The following COL28A1 variants were observed in gnomAD, a reference collection of about 807,000 sequenced individuals.
COL28A1 encodes collagen alpha-1(XXVIII) chain.
In COL28A1, 161 loss-of-function variants were observed where a neutral mutation model predicts 150.2. The observed-to-expected ratio is 1.07, with a 90% CI of 0.94 to 1.22. The LOEUF is 1.22. COL28A1 is among the 50% of genes most tolerant of loss of function. COL28A1 has a pLI of 0.00. For missense variants in COL28A1, 1,617 were observed against 1,388.3 expected (o/e 1.16, Z -2.62); for synonymous variants, 552 against 469.7 (o/e 1.18, Z -2.26).
intron 13 of COL28A1, among the ~76,000 whole-genome samples, chr7:7,485,232 C>T (rs1779561058): frequency 6.6e-6 from 1 of 152,174 alleles, no homozygotes; most frequent in Middle Eastern, 3.4e-3. Context: ...TAGATATATA[C>T]ATACCAAGTT....
intron 18 of COL28A1, among the ~76,000 whole-genome samples, chr7:7,447,535 A>ACAC (rs1786355140): frequency 6.6e-6 from 1 of 152,056 alleles, no homozygotes; most frequent in Non-Finnish European, 1.5e-5. Flanking sequence ...TCCAGAAATA[A>ACAC]CACCAGTAGT....
intron 15 of COL28A1, among the ~76,000 whole-genome samples, chr7:7,473,086 A>G (rs1788564221): frequency 6.6e-6 from 1 of 152,224 alleles, no homozygotes; most frequent in Non-Finnish European, 1.5e-5. Context: ...AGAAGATAAC[A>G]TTGAAAAAAC....
chr7:7,432,868 A>G (rs745585399), intron 23 of COL28A1, among the ~76,000 whole-genome samples, 168 bp from the exon 24 acceptor site: 1 of 152,220 alleles, frequency 6.6e-6, no homozygotes, highest in African/African-American at 2.4e-5. Context: ...TTTTTAGTGC[A>G]TCGTAAATCA....
upstream of COL28A1, among the ~76,000 whole-genome samples, chr7:7,536,182 G>A (rs189710412): frequency 3.5e-4 from 53 of 152,242 alleles, no homozygotes; most frequent in Middle Eastern, 6.8e-3. Flanking sequence ...CTCTGTGAAG[G>A]AGTATAAATG....
intron 27 of COL28A1, among the ~76,000 whole-genome samples, chr7:7,410,456 G>T (rs945606842): frequency 6.6e-6 from 1 of 152,098 alleles, no homozygotes; most frequent in East Asian, 1.9e-4. Context: ...TGGAGTCATC[G>T]TGTGAATTTC....
chr7:7,502,142 C>T (rs1158022518), intron 11 of COL28A1, among the ~76,000 whole-genome samples: 1 of 152,158 alleles, frequency 6.6e-6, no homozygotes, highest in Non-Finnish European at 1.5e-5. Flanking sequence ...CCTCGTGATC[C>T]ACCTACCTCG....
intron 18 of COL28A1, among the ~76,000 whole-genome samples, chr7:7,451,883 T>G (rs1371029487): frequency 6.6e-6 from 1 of 152,196 alleles, no homozygotes; most frequent in Non-Finnish European, 1.5e-5. Flanking sequence ...AATACTCAAA[T>G]GCTCGTAAGA....
At chr7:7,417,713 G>A in intron 27 of COL28A1, 146 bp downstream of exon 27, 2 of 694,974 alleles carry the variant, frequency 2.9e-6, no homozygotes, top group Non-Finnish European at 5.1e-6. Flanking sequence ...ACTTCCAGAT[G>A]ATGTCTCTAA....
At chr7:7,504,338 A>G (rs1397819198) in intron 11 of COL28A1, among the ~76,000 whole-genome samples, 1 of 152,102 alleles carries the variant, frequency 6.6e-6, no homozygotes, top group African/African-American at 2.4e-5. Flanking sequence ...CTCTACAAAA[A>G]AAAAAATTAT....
intron 15 of COL28A1, among the ~76,000 whole-genome samples, chr7:7,461,753 C>A (rs531564030): frequency 1.3e-5 from 2 of 152,140 alleles, no homozygotes; most frequent in African/African-American, 4.8e-5. Flanking sequence ...GAAGTAGAGT[C>A]TGAGCTCAGA....
chr7:7,382,630 C>G (rs1204118741), intron 27 of COL28A1, among the ~76,000 whole-genome samples: 1 of 152,084 alleles, frequency 6.6e-6, no homozygotes, highest in Admixed American at 6.6e-5. Context: ...CCTTATTTGA[C>G]TCTGGATAAT....
intron 15 of COL28A1, among the ~76,000 whole-genome samples, chr7:7,465,195 C>T (rs1022995880): frequency 8.6e-5 from 13 of 150,928 alleles, no homozygotes; most frequent in South Asian, 2.1e-4. Context: ...TCTGAGGTAC[C>T]GGGTTCATCC....
At position 7,383,777 on chromosome 7, in the gene COL28A1, C is replaced by T. The variant is rs535798399; in HGVS notation, c.2137-2165G>A. 1.3e-3 allele frequency among the ~76,000 whole-genome samples: 191 copies of T among 149,406 alleles called. No homozygotes were observed. The Middle Eastern group carries it at 0.035, about 28-fold the overall frequency. On this transcript the variant is annotated intron_variant, in intron 27 of 34. Coordinates refer to ENST00000399429, the MANE Select transcript of COL28A1 (RefSeq NM_001037763.3). Reference sequence around the variant, plus strand: ...CATTAAATAACTGAATACAACTTATCCATTAGCCTTCTGATGCACATTTAG... The same window carrying T: ...CATTAAATAACTGAATACAACTTATTCATTAGCCTTCTGATGCACATTTAG...
In COL28A1 at chr7:7,532,910, C is replaced by T. The variant is rs762604914; in HGVS notation, c.-35G>A. 2 of 1,537,534 alleles carry T rather than the reference C, an allele frequency of 1.3e-6. No homozygotes were observed. The highest frequency in any genetic ancestry group is 1.8e-4 in the Middle Eastern group (1 of 5,700). ...TGGTGAAAAATCATCTGTCTTGTAG[C>T]ACCTTTAATAGAAAAGTCAGTTACA... is the stretch of plus-strand genomic sequence containing the variant. On this transcript the variant is annotated splice_region_variant and 5_prime_UTR_variant, in exon 2 of 35. Transcript: ENST00000399429.
At chr7:7,429,583 T>C (rs1784837811) in intron 25 of COL28A1, among the ~76,000 whole-genome samples, 1 of 152,174 alleles carries the variant, frequency 6.6e-6, no homozygotes. Context: ...AGATGATTTT[T>C]AAAGTTACTT....
At chr7:7,450,702 C>T (rs180792611) in intron 18 of COL28A1, among the ~76,000 whole-genome samples, 4 of 152,264 alleles carry the variant, frequency 2.6e-5, no homozygotes, top group Admixed American at 2.0e-4. Flanking sequence ...ACTTGTCCTC[C>T]AACGTGTGCA....
At chr7:7,447,833 G>T (rs562747716) in intron 18 of COL28A1, among the ~76,000 whole-genome samples, 22 of 152,132 alleles carry the variant, frequency 1.4e-4, no homozygotes, top group South Asian at 4.2e-4. Flanking sequence ...AATGAGCAGA[G>T]CACCAGTGAA....
chr7:7,402,343 G>T (rs1348788759), intron 27 of COL28A1, among the ~76,000 whole-genome samples: 1 of 152,238 alleles, frequency 6.6e-6, no homozygotes, highest in Non-Finnish European at 1.5e-5. Context: ...CTATGGCTCA[G>T]AAGGAGTGGA....
intron 11 of COL28A1, among the ~76,000 whole-genome samples, chr7:7,500,640 C>A (rs879649536): frequency 2.0e-5 from 3 of 152,158 alleles, no homozygotes; most frequent in Non-Finnish European, 2.9e-5. Flanking sequence ...AGACAGCCAG[C>A]CCTCTTACCA....
Sources: allele counts gnomAD v4.1 joint callset (sites outside exome capture counted in the v4.1 genomes callset), GRCh38; gene constraint gnomAD v4.1.1; transcripts MANE v1.5; gene names NCBI Gene and HGNC (gene_info 2026-07-23, HGNC 2026-07-21).